The following DVL2 variants were observed in gnomAD, a reference collection of about 807,000 sequenced individuals.
DVL2 encodes the protein segment polarity protein dishevelled homolog DVL-2.
DVL2 carries 38 observed loss-of-function variants against 69.8 expected under a neutral mutation model. The observed-to-expected ratio is 0.54, with a 90% CI of 0.42 to 0.71. The LOEUF (loss-of-function observed/expected upper bound fraction) is 0.71, where lower values mean the gene tolerates loss of function less well. Among genes scored for constraint, DVL2 ranks in the 30% least tolerant of loss-of-function variants. The pLI, the probability that DVL2 is intolerant of heterozygous loss-of-function variation, is 0.00. For synonymous variants in DVL2, 428 were observed against 392.4 expected (o/e 1.09, Z -1.07); for missense variants, 931 against 1,008.1 (o/e 0.92, Z 1.04).
Position 7,234,468 on chromosome 17 carries a change from G to C in DVL2, c.-206C>G. On this transcript the variant is annotated 5_prime_UTR_variant, in exon 1 of 15. Coordinates refer to ENST00000005340, the MANE Select transcript of DVL2 (RefSeq NM_004422.3). ...TGCGACTCAAAGCCCCGGTCTCAGC[G>C]GCCGCCGCGCGCCACCGCCACCGAC... 1 of 587,998 alleles carries C rather than the reference G, an allele frequency of 1.7e-6. No homozygotes were observed. Among genetic ancestry groups the C allele is most frequent in the East Asian group, 3.4e-5 (1 of 29,654 alleles). 36.4% of individuals were successfully genotyped at this position (587,998 alleles called of 1,614,324 possible).
At chr17:7,226,721 ACAGTTCT>A in intron 13 of DVL2, 82 bp from the exon 14 acceptor site, 1 of 1,138,784 alleles carries the variant, frequency 8.8e-7, no homozygotes, top group Non-Finnish European at 1.2e-6. Flanking sequence ...GGAACTGGGA[ACAGTTCT>A]CCCAGACCCA....
chr17:7,227,885 CTCCCACCCAT>C, intron 10 of DVL2, 82 bp downstream of exon 10: 1 of 1,564,014 alleles, frequency 6.4e-7, no homozygotes, highest in Non-Finnish European at 8.7e-7. Context: ...CTGGACCCTC[CTCCCACCCAT>C]TCCCCATGAC....
In DVL2 at chr17:7,229,802, C is replaced by A. The variant is rs577679376; in HGVS notation, c.656+6G>T. On this transcript the variant is annotated splice_donor_region_variant and intron_variant, in intron 5 of 14. Transcript: ENST00000005340. This position sits in a 1 kb window ranked among gnomAD's most constrained non-coding sequence, Gnocchi z 4.4. ...GTGCGCTGGGGAGAGCTGTGCGGAG[C>A]CACACCTGCTCATGGTGTCCTCCTC... 4 of 1,610,722 alleles carry A rather than the reference C, an allele frequency of 2.5e-6. No individual in the cohort carries two copies. In the African/African-American group the frequency reaches 5.3e-5, roughly 21 times the overall value.
chr17:7,227,835 C>G (rs774059800), intron 10 of DVL2, 52 bp from the exon 11 acceptor site: 6 of 1,556,164 alleles, frequency 3.9e-6, no homozygotes, highest in Non-Finnish European at 3.5e-6. Flanking sequence ...CAAAAGCCAG[C>G]CCAGTCCCTC....
Position 7,227,302 on chromosome 17 carries a change from G to A in DVL2, c.1364-33C>T. 6 of 1,600,206 alleles carry A rather than the reference G, an allele frequency of 3.7e-6. No individual in the cohort carries two copies. In the African/African-American group the frequency reaches 6.7e-5, roughly 18 times the overall value. Reference sequence around the variant, plus strand: ...CACCCACAGTGGAAAAAGGCCTCAGGTTCTTCTTCCAACTCCTGCTCTCGC... The same window carrying A: ...CACCCACAGTGGAAAAAGGCCTCAGATTCTTCTTCCAACTCCTGCTCTCGC... On this transcript the variant is annotated intron_variant, in intron 12 of 14. Coordinates refer to ENST00000005340, the MANE Select transcript of DVL2 (RefSeq NM_004422.3).
chr17:7,230,910 C>T, intron 1 of DVL2, 113 bp from the exon 2 acceptor site: 1 of 735,818 alleles, frequency 1.4e-6, no homozygotes, highest in Non-Finnish European at 2.3e-6. Context: ...TTTCTCCTGC[C>T]CTGTTCAGGT....
chr17:7,226,265 G>C lies in DVL2; in HGVS notation c.1811C>G (p.Thr604Arg), dbSNP rs773310143. Residue 604 changes from threonine to arginine, a missense_variant, in exon 15 of 15, where the codon ACG becomes AGG. Thr to Arg is a moderately conservative substitution (Grantham distance 71, BLOSUM62 -1). Transcript: ENST00000005340. ...GGGGGCCCGCTCCTCGGGCCTCCCC[G>C]TGCGCCCTGCCCCCCCATCACTCCG... ...STRSDGGAGR[T>R]GRPEERAPES... 1 of 1,602,694 alleles carries C rather than the reference G, an allele frequency of 6.2e-7. No individual in the cohort carries two copies. Among genetic ancestry groups the C allele is most frequent in the South Asian group, 1.1e-5 (1 of 89,914 alleles).
Position 7,234,456 on chromosome 17 carries a change from C to A in DVL2, c.-194G>T, listed in dbSNP as rs891017016. 17 of 644,322 alleles carry A rather than the reference C, an allele frequency of 2.6e-5. No homozygotes were observed. The highest frequency in any genetic ancestry group is 5.9e-5 in the African/African-American group (3 of 51,062). The allele number at this position is 644,322 out of a possible 1,614,324, so 39.9% of individuals were successfully genotyped here. ...CGGGCCGCGGGGTGCGACTCAAAGCCCCGGTCTCAGCGGCCGCCGCGCGCC... is the reference window on the plus strand; with the variant it reads ...CGGGCCGCGGGGTGCGACTCAAAGCACCGGTCTCAGCGGCCGCCGCGCGCC... On this transcript the variant is annotated 5_prime_UTR_variant, in exon 1 of 15. Coordinates refer to ENST00000005340, the MANE Select transcript of DVL2 (RefSeq NM_004422.3).
At position 7,225,782 on chromosome 17, in the gene DVL2, G is replaced by A. The variant is rs2071434426; in HGVS notation, c.*83C>T. 1.6e-6 allele frequency: 2 copies of A among 1,242,290 alleles called. No homozygotes were observed. Among genetic ancestry groups the A allele is most frequent in the African/African-American group, 2.9e-5 (2 of 67,828 alleles). The allele number at this position is 1,242,290 out of a possible 1,614,324, so 77.0% of individuals were successfully genotyped here. ...GGCAGCAGCTGGTAGGCTGAGCCCA[G>A]GCACTGTAAGAGCAAGCACATGACG... On this transcript the variant is annotated 3_prime_UTR_variant, in exon 15 of 15. Coordinates refer to ENST00000005340, the MANE Select transcript of DVL2 (RefSeq NM_004422.3).
In DVL2 at chr17:7,229,340, G is replaced by T. The variant is rs2071505179; in HGVS notation, c.817+38C>A. ...AGGACGCCCGGAACCCTAGAGACCA[G>T]GCCCTCCCCACGCCCTAGCCACAGG... On this transcript the variant is annotated intron_variant, in intron 7 of 14. Coordinates refer to ENST00000005340, the MANE Select transcript of DVL2 (RefSeq NM_004422.3). This position sits in a 1 kb window ranked among gnomAD's most constrained non-coding sequence, Gnocchi z 4.4. 1 of 1,613,562 alleles carries T rather than the reference G, an allele frequency of 6.2e-7. No homozygotes were observed. The highest frequency in any genetic ancestry group is 1.7e-5 in the Admixed American group (1 of 59,994).
At chr17:7,228,068 A>AAGGGCGCAGGGGAAGAGG (rs766408450) in intron 9 of DVL2, 24 bp from the exon 10 acceptor site, 1 of 1,522,274 alleles carries the variant, frequency 6.6e-7, no homozygotes, top group Non-Finnish European at 8.8e-7. Context: ...AAGTCCAGTC[A>AAGGGCGCAGGGGAAGAGG]AGGGCGCAGG....
rs758793191 is a variant in DVL2, at chr17:7,229,093, G to T, written c.957+42C>A. ...CAGAGACACGGTGGGAGAGGCTGAG[G>T]GCCCCCGTGCAGGGCAGCTCAGTGG... On this transcript the variant is annotated intron_variant, in intron 8 of 14. Coordinates refer to ENST00000005340, the MANE Select transcript of DVL2 (RefSeq NM_004422.3). The surrounding 1 kb of genome is among the most constrained non-coding windows in gnomAD (Gnocchi z 4.4). 6.2e-7 allele frequency: 1 copy of T among 1,614,050 alleles called. No homozygotes were observed. Among genetic ancestry groups the T allele is most frequent in the East Asian group, 2.2e-5 (1 of 44,874 alleles).
rs1487548641 is a variant in DVL2 at position 7,229,921 on chromosome 17, G to C, written c.543C>G (p.Gly181=). Residue 181 remains glycine, a synonymous_variant, in exon 5 of 15, where the codon GGC becomes GGG. Coordinates refer to ENST00000005340, the MANE Select transcript of DVL2 (RefSeq NM_004422.3). The surrounding 1 kb of genome is among the most constrained non-coding windows in gnomAD (Gnocchi z 4.4). The part of the protein sequence containing the change: ...EHGAGGHRTG[G]PSRLERHLAG... Reference sequence around the variant, plus strand: ...CCAGGTGGCGCTCCAGCCTTGAGGGGCCACCAGTCCTGTGGCCCCCAGCTA... The same window carrying C: ...CCAGGTGGCGCTCCAGCCTTGAGGGCCCACCAGTCCTGTGGCCCCCAGCTA... The C allele has an allele frequency of 1.2e-6, 2 of 1,608,882 alleles. No individual in the cohort carries two copies.
At chr17:7,233,790 C>T (rs1396003567) in intron 1 of DVL2, 12 of 524,006 alleles carry the variant, frequency 2.3e-5, no homozygotes, top group Non-Finnish European at 4.1e-5. Context: ...TCAGTACAGA[C>T]TAGAATACTC....
chr17:7,229,485 C>A lies in DVL2; in HGVS notation c.748-38G>T. 2 of 1,613,854 alleles carry A rather than the reference C, an allele frequency of 1.2e-6. No individual in the cohort carries two copies. Among genetic ancestry groups the A allele is most frequent in the Admixed American group, 1.7e-5 (1 of 60,016 alleles). On this transcript the variant is annotated intron_variant, in intron 6 of 14. Coordinates refer to ENST00000005340, the MANE Select transcript of DVL2 (RefSeq NM_004422.3). The surrounding 1 kb of genome is among the most constrained non-coding windows in gnomAD (Gnocchi z 4.4). ...AAGGAGCCAGAGTGCCCTTCAATAACCCAGGGTCAACCCTGGGGTGCTGCC... is the reference window on the plus strand; with the variant it reads ...AAGGAGCCAGAGTGCCCTTCAATAAACCAGGGTCAACCCTGGGGTGCTGCC...
chr17:7,231,861 G>GAA (rs35734517), intron 1 of DVL2, among the ~76,000 whole-genome samples: 38 of 50,108 alleles, frequency 7.6e-4, no homozygotes, highest in Non-Finnish European at 9.9e-4. Context: ...CTCCACCTCA[G>GAA]AAAAAAAAAA....
rs751097474 is a variant in DVL2 at position 7,234,227 on chromosome 17, C to T, written c.36G>A (p.Gly12=). The change falls in exon 1 of 15, where the codon GGG becomes GGA. Residue 12 remains glycine, a synonymous_variant. Coordinates refer to ENST00000005340, the MANE Select transcript of DVL2 (RefSeq NM_004422.3). ...CCAGGTGGTAAATCACCTTCGTCTC[C>T]CCAACCCCACCGCCCCCAGTGCTGC... is the stretch of plus-strand genomic sequence containing the variant. ...AGSSTGGGGV[G]ETKVIYHLDE... is the part of the protein sequence containing the mutation. 1 of 1,613,802 alleles carries T rather than the reference C, an allele frequency of 6.2e-7. No individual in the cohort carries two copies.
At chr17:7,226,955 G>A (rs2071464045) in intron 13 of DVL2, 135 bp downstream of exon 13, 2 of 892,282 alleles carry the variant, frequency 2.2e-6, no homozygotes, top group Non-Finnish European at 3.4e-6. Context: ...GGCCAGTGCA[G>A]GACCTAGTGC....
At chr17:7,231,522 A>C (rs2071543533) in intron 1 of DVL2, among the ~76,000 whole-genome samples, 1 of 148,790 alleles carries the variant, frequency 6.7e-6, no homozygotes, top group South Asian at 2.1e-4. Context: ...ACTTTCCTTT[A>C]GTTTTCTCTA....
Sources: gnomAD v4.1 joint callset for allele counts (sites outside exome capture counted in the v4.1 genomes callset) on GRCh38, gnomAD v4.1.1 for gene constraint, Gnocchi (gnomAD v3.1) non-coding constraint, MANE v1.5 for transcripts, NCBI Gene and HGNC (gene_info 2026-07-23, HGNC 2026-07-21) for gene names.